The following LRP1B variants were observed in gnomAD, a reference collection of about 807,000 sequenced individuals.
LRP1B encodes the protein low-density lipoprotein receptor-related protein 1B.
A neutral mutation model predicts 556.6 loss-of-function variants in LRP1B; 217 were observed. The observed-to-expected ratio is 0.39, with a 90% CI of 0.35 to 0.44. The LOEUF (loss-of-function observed/expected upper bound fraction) is 0.44, where lower values mean the gene tolerates loss of function less well. Among genes scored for constraint, LRP1B ranks in the 20% least tolerant of loss-of-function variants. LRP1B has a pLI of 1.00. For missense variants in LRP1B, 5,053 were observed against 5,620.8 expected (o/e 0.90, Z 3.23); for synonymous variants, 2,047 against 1,865.8 (o/e 1.10, Z -2.50).
At chr2:142,061,049 A>C (rs966541362) in intron 1 of LRP1B, among the ~76,000 whole-genome samples, 3 of 151,960 alleles carry the variant, frequency 2.0e-5, no homozygotes, top group African/African-American at 7.2e-5. Context: ...ATCAAAGGGG[A>C]GTAACAGCAT....
chr2:141,926,117 T>C (rs1391451057), intron 1 of LRP1B, among the ~76,000 whole-genome samples: 1 of 152,232 alleles, frequency 6.6e-6, no homozygotes, highest in Non-Finnish European at 1.5e-5. Flanking sequence ...ATTTCTCTTC[T>C]CAGTCACATT....
rs556441446 is a variant in LRP1B at position 141,365,594 on chromosome 2, T to C, written c.344-110953A>G. ...TTTTATAGCTTCATATGTAAACCCA[T>C]GTAATATAAACCAGTAAAGAAAAAA... On this transcript the variant is annotated intron_variant, in intron 3 of 90. Transcript: ENST00000389484. Among the ~76,000 whole-genome samples, 3 of 150,642 alleles carry C rather than the reference T, an allele frequency of 2.0e-5. No homozygotes were observed. In the East Asian group the frequency reaches 5.8e-4, roughly 29 times the overall value.
intron 2 of LRP1B, among the ~76,000 whole-genome samples, chr2:141,556,149 C>G (rs555565588): frequency 1.3e-5 from 2 of 151,888 alleles, no homozygotes; most frequent in African/African-American, 4.8e-5. Context: ...TTGTGGTTCA[C>G]TAGGGACTAC....
At chr2:140,557,583 C>T (rs181669199) in intron 43 of LRP1B, among the ~76,000 whole-genome samples, 5 of 152,220 alleles carry the variant, frequency 3.3e-5, no homozygotes, top group Admixed American at 2.6e-4. Flanking sequence ...GAACTATTAT[C>T]TACTGTGCTC....
chr2:141,522,323 C>A (rs192091014), intron 2 of LRP1B, among the ~76,000 whole-genome samples: 1 of 152,004 alleles, frequency 6.6e-6, no homozygotes, highest in Non-Finnish European at 1.5e-5. Flanking sequence ...ATGTTTCAGT[C>A]GCATTATGTA....
chr2:140,793,881 T>C (rs192408955), intron 32 of LRP1B, among the ~76,000 whole-genome samples: 1 of 152,220 alleles, frequency 6.6e-6, no homozygotes, highest in Admixed American at 6.5e-5. Context: ...CCTATAATTT[T>C]TTATTTTATA....
chr2:140,613,328 T>TATATATACATATAAATATAA, intron 41 of LRP1B, among the ~76,000 whole-genome samples: 1 of 112,642 alleles, frequency 8.9e-6, no homozygotes, highest in Non-Finnish European at 1.9e-5. Context: ...TATAAATATA[T>TATATATACATATAAATATAA]ATAATTATAT....
chr2:141,864,903 A>G (rs577170564), intron 1 of LRP1B, among the ~76,000 whole-genome samples: 1 of 151,612 alleles, frequency 6.6e-6, no homozygotes, highest in African/African-American at 2.4e-5. Flanking sequence ...AAACAAACAA[A>G]CAAACAAACA....
rs542711452 is a variant in LRP1B at position 141,658,187 on chromosome 2, T to G, written c.205+152092A>C. ...AGGAAAAGGTAAAAGAAAAAAACTT[T>G]CAAGGAGATCAACAAGTAGCTTTCA... is the stretch of plus-strand genomic sequence containing the variant. On this transcript the variant is annotated intron_variant, in intron 2 of 90. Coordinates refer to ENST00000389484, the MANE Select transcript of LRP1B (RefSeq NM_018557.3). 6.6e-5 allele frequency among the ~76,000 whole-genome samples: 10 copies of G among 152,294 alleles called. No individual in the cohort carries two copies. In the South Asian group the frequency reaches 2.1e-3, roughly 32 times the overall value.
At chr2:140,813,509 G>T in intron 32 of LRP1B, 148 bp downstream of exon 32, 3 of 639,542 alleles carry the variant, frequency 4.7e-6, no homozygotes, top group Non-Finnish European at 8.0e-6. Context: ...AGGAAAAGAA[G>T]GAAGAGAAGA....
At chr2:140,454,305 T>C (rs867021627) in intron 62 of LRP1B, among the ~76,000 whole-genome samples, 1 of 152,084 alleles carries the variant, frequency 6.6e-6, no homozygotes, top group African/African-American at 2.4e-5. Flanking sequence ...CTTGCCACCA[T>C]GCCCAGCTAA....
chr2:140,891,980 T>C (rs990783946), intron 23 of LRP1B, among the ~76,000 whole-genome samples: 1 of 151,770 alleles, frequency 6.6e-6, no homozygotes, highest in Non-Finnish European at 1.5e-5. Context: ...TCCTTTGGGG[T>C]GTGTGTGTGT....
At chr2:141,106,199 T>A (rs1054869482) in intron 7 of LRP1B, among the ~76,000 whole-genome samples, 3 of 152,172 alleles carry the variant, frequency 2.0e-5, no homozygotes, top group Non-Finnish European at 4.4e-5. Context: ...TCTAACCAAT[T>A]TTTCTGAAAT....
chr2:141,619,419 G>A (rs968291657), intron 2 of LRP1B, among the ~76,000 whole-genome samples: 1 of 152,186 alleles, frequency 6.6e-6, no homozygotes, highest in East Asian at 1.9e-4. Context: ...AATGAACAAT[G>A]CATATGAGCG....
chr2:141,418,073 T>A (rs1679982338), intron 3 of LRP1B, among the ~76,000 whole-genome samples: 1 of 152,206 alleles, frequency 6.6e-6, no homozygotes, highest in Admixed American at 6.5e-5. Context: ...TTTGCCCATT[T>A]TTTAAAATCA....
At chr2:142,080,561 G>A (rs1705674371) in intron 1 of LRP1B, among the ~76,000 whole-genome samples, 1 of 152,052 alleles carries the variant, frequency 6.6e-6, no homozygotes, top group African/African-American at 2.4e-5. Context: ...AGTTTTTGAA[G>A]TTAAATTAAA....
chr2:141,887,672 C>T (rs1342557174), intron 1 of LRP1B, among the ~76,000 whole-genome samples: 1 of 152,154 alleles, frequency 6.6e-6, no homozygotes, highest in African/African-American at 2.4e-5. Flanking sequence ...AAATGAGATG[C>T]ACTTCCAATA....
chr2:141,200,610 T>C (rs1172480476), intron 6 of LRP1B, among the ~76,000 whole-genome samples: 1 of 152,112 alleles, frequency 6.6e-6, no homozygotes, highest in Non-Finnish European at 1.5e-5. Context: ...CTTATCCCCC[T>C]ATATGTACAC....
intron 3 of LRP1B, among the ~76,000 whole-genome samples, chr2:141,311,867 G>A (rs1686824898): frequency 6.6e-6 from 1 of 152,108 alleles, no homozygotes; most frequent in Non-Finnish European, 1.5e-5. Context: ...CAGGCAATTG[G>A]TACTGAGAAT....
Sources: allele counts gnomAD v4.1 joint callset (sites outside exome capture counted in the v4.1 genomes callset), GRCh38; gene constraint gnomAD v4.1.1; transcripts MANE v1.5; gene names NCBI Gene and HGNC (gene_info 2026-07-23, HGNC 2026-07-21).